The following DLGAP1 variants were observed in gnomAD, a reference collection of about 807,000 sequenced individuals.
DLGAP1 encodes the protein DLG associated protein 1.
In DLGAP1, 11 loss-of-function variants were observed where a neutral mutation model predicts 90.8. That is an observed-to-expected ratio of 0.12 (90% CI 0.08 to 0.20). The LOEUF (loss-of-function observed/expected upper bound fraction) is 0.20. Among genes scored for constraint, DLGAP1 ranks in the 10% least tolerant of loss-of-function variants. The pLI is 1.00. For missense variants in DLGAP1, 1,050 were observed against 1,333.8 expected (o/e 0.79, Z 3.31); for synonymous variants, 558 against 540.7 (o/e 1.03, Z -0.44).
chr18:3,550,336 C>T (rs2053316606), intron 9 of DLGAP1, among the ~76,000 whole-genome samples: 1 of 152,190 alleles, frequency 6.6e-6, no homozygotes, highest in Non-Finnish European at 1.5e-5. Flanking sequence ...AGCCATCCTC[C>T]TACCTCAGCC....
At chr18:4,100,854 T>C (rs1241707929) in intron 2 of DLGAP1, among the ~76,000 whole-genome samples, 1 of 152,250 alleles carries the variant, frequency 6.6e-6, no homozygotes, top group East Asian at 1.9e-4. Flanking sequence ...CTTCAAACTT[T>C]TCTTCTGCAT....
intron 7 of DLGAP1, among the ~76,000 whole-genome samples, chr18:3,611,581 C>G (rs2057630734): frequency 6.6e-6 from 1 of 152,166 alleles, no homozygotes; most frequent in Non-Finnish European, 1.5e-5. Context: ...CCCCGCCTCC[C>G]ACCTCGAAAT....
intron 1 of DLGAP1, among the ~76,000 whole-genome samples, chr18:4,324,590 T>C (rs1484738030): frequency 6.6e-6 from 1 of 151,896 alleles, no homozygotes; most frequent in Non-Finnish European, 1.5e-5. Flanking sequence ...GGCAATAACC[T>C]TGATGAACAT....
chr18:3,901,657 A>C (rs1470554528), intron 3 of DLGAP1, among the ~76,000 whole-genome samples: 1 of 152,126 alleles, frequency 6.6e-6, no homozygotes, highest in Non-Finnish European at 1.5e-5. Flanking sequence ...TTTACCACCT[A>C]CATGGGGTAT....
chr18:3,829,309 T>C (rs995399564), intron 4 of DLGAP1, among the ~76,000 whole-genome samples: 6 of 152,318 alleles, frequency 3.9e-5, no homozygotes, highest in African/African-American at 4.8e-5. Flanking sequence ...TATTTGTAGG[T>C]TGCTTTTTCA....
At position 4,216,982 on chromosome 18, in the gene DLGAP1, T is replaced by C. The variant is rs115679353; in HGVS notation, c.-266-65695A>G. On this transcript the variant is annotated intron_variant, in intron 1 of 12. Coordinates refer to ENST00000315677, the MANE Select transcript of DLGAP1 (RefSeq NM_004746.4). ...TAATGTTATGTATCCATTGTTACAGTATCATATTGAATAGTTTCACTGCCC... is the reference window on the plus strand; with the variant it reads ...TAATGTTATGTATCCATTGTTACAGCATCATATTGAATAGTTTCACTGCCC... 5.8e-3 allele frequency among the ~76,000 whole-genome samples: 881 copies of C among 152,228 alleles called. 15 individuals are homozygous for C. Among genetic ancestry groups the C allele is most frequent in the African/African-American group, 0.02 (842 of 41,556 alleles).
intron 2 of DLGAP1, among the ~76,000 whole-genome samples, chr18:4,106,099 G>C (rs1178172501): frequency 6.7e-6 from 1 of 150,074 alleles, no homozygotes; most frequent in Admixed American, 6.6e-5. Flanking sequence ...TTTAAAAAAG[G>C]TTTTTGTTTT....
intron 1 of DLGAP1, among the ~76,000 whole-genome samples, chr18:4,223,321 C>T (rs2078117172): frequency 6.6e-6 from 1 of 152,088 alleles, no homozygotes; most frequent in East Asian, 1.9e-4. Context: ...TGAGACTGGC[C>T]TAGTTCACTG....
chr18:4,366,808 C>T (rs2081780587), intron 1 of DLGAP1, among the ~76,000 whole-genome samples: 1 of 151,662 alleles, frequency 6.6e-6, no homozygotes, highest in Non-Finnish European at 1.5e-5. Context: ...ATGCAAGAAA[C>T]ATTTCTAGAG....
chr18:4,289,794 T>C (rs962593066), intron 1 of DLGAP1, among the ~76,000 whole-genome samples: 2 of 152,188 alleles, frequency 1.3e-5, no homozygotes, highest in African/African-American at 4.8e-5. Context: ...CTCTTAGTCA[T>C]TCCTGAACTT....
chr18:3,741,156 C>T (rs1474818488), intron 6 of DLGAP1, among the ~76,000 whole-genome samples: 10 of 112,458 alleles, frequency 8.9e-5, no homozygotes, highest in Non-Finnish European at 1.7e-4. Flanking sequence ...ACCATCACCA[C>T]CACCATCACC....
At chr18:3,505,566 A>G (rs2050168868) in intron 11 of DLGAP1, among the ~76,000 whole-genome samples, 1 of 143,618 alleles carries the variant, frequency 7.0e-6, no homozygotes, top group Non-Finnish European at 1.5e-5. Flanking sequence ...TGAACCCGTG[A>G]GGCAGAGATT....
chr18:3,905,630 C>T (rs560722723), intron 3 of DLGAP1, among the ~76,000 whole-genome samples: 3 of 152,122 alleles, frequency 2.0e-5, no homozygotes, highest in Admixed American at 1.3e-4. Flanking sequence ...CTGGAAATTT[C>T]GAATCAATTG....
intron 1 of DLGAP1, among the ~76,000 whole-genome samples, chr18:4,319,703 A>G (rs1307817108): frequency 6.6e-6 from 1 of 152,234 alleles, no homozygotes; most frequent in East Asian, 1.9e-4. Flanking sequence ...TACTAAAGTG[A>G]GAATGAAAAA....
chr18:4,025,146 C>G (rs1035368488), intron 2 of DLGAP1, among the ~76,000 whole-genome samples: 1 of 151,836 alleles, frequency 6.6e-6, no homozygotes, highest in African/African-American at 2.4e-5. Flanking sequence ...GTGTGTGAGG[C>G]CTTGAGTGTG....
At chr18:4,251,238 A>T (rs565833530) in intron 1 of DLGAP1, among the ~76,000 whole-genome samples, 27 of 152,152 alleles carry the variant, frequency 1.8e-4, no homozygotes, top group Non-Finnish European at 3.4e-4. Flanking sequence ...CTTAGACATA[A>T]ATCTTATAAA....
At chr18:4,102,261 G>A (rs1262676792) in intron 2 of DLGAP1, among the ~76,000 whole-genome samples, 2 of 152,112 alleles carry the variant, frequency 1.3e-5, no homozygotes, top group African/African-American at 4.8e-5. Context: ...ACAGTACTAC[G>A]CATTTTCTTT....
At chr18:3,636,726 CTTT>C (rs10606915) in intron 7 of DLGAP1, among the ~76,000 whole-genome samples, 7 of 121,236 alleles carry the variant, frequency 5.8e-5, no homozygotes, top group African/African-American at 9.4e-5. Context: ...ACTTTTACAT[CTTT>C]TTTTTTTTTT....
chr18:4,144,603 AT>A (rs950771824), intron 2 of DLGAP1, among the ~76,000 whole-genome samples: 6 of 151,772 alleles, frequency 4.0e-5, no homozygotes, highest in African/African-American at 1.2e-4. Flanking sequence ...TATAAAGGTG[AT>A]TTTTTTTTGT....
Sources: allele counts gnomAD v4.1 joint callset (sites outside exome capture counted in the v4.1 genomes callset), GRCh38; gene constraint gnomAD v4.1.1; transcripts MANE v1.5; gene names NCBI Gene and HGNC (gene_info 2026-07-23, HGNC 2026-07-21).